Variants in GPC5 observed in about 807,000 individuals in gnomAD.
GPC5 encodes the protein glypican 5, also known as glypican-5.
A neutral mutation model predicts 53.9 loss-of-function variants in GPC5; 47 were observed. The ratio of observed to expected loss-of-function variants is 0.87; its 90% CI spans 0.69 to 1.11. The LOEUF (loss-of-function observed/expected upper bound fraction) is 1.11, where lower values mean the gene tolerates loss of function less well. Among genes scored for constraint, GPC5 ranks in the 50% most tolerant of loss-of-function variants. The pLI, the probability that GPC5 is intolerant of heterozygous loss-of-function variation, is 0.00. For synonymous variants in GPC5, 286 were observed against 263.3 expected, an observed-to-expected ratio of 1.09 and a Z score of -0.84; for missense variants, 748 against 713.1, an observed-to-expected ratio of 1.05 and a Z score of -0.56.
chr13:92,069,879 A>G (rs1377875638), intron 6 of GPC5, among the ~76,000 whole-genome samples: 1 of 152,162 alleles, frequency 6.6e-6, no homozygotes, highest in Non-Finnish European at 1.5e-5. Context: ...AAATGTTGCA[A>G]GCAGAATAAA....
intron 7 of GPC5, among the ~76,000 whole-genome samples, chr13:92,517,887 G>C (rs934255102): frequency 5.9e-5 from 9 of 152,154 alleles, no homozygotes; most frequent in African/African-American, 2.2e-4. Flanking sequence ...CCAAGCTAAA[G>C]GAGGAAGTTC....
chr13:92,853,316 C>CAGT (rs61058733), intron 7 of GPC5, among the ~76,000 whole-genome samples: 26,463 of 151,988 alleles, frequency 0.17, 2,553 homozygotes, highest in East Asian at 0.33. Context: ...TCACATGACA[C>CAGT]AGATGGTGAT....
intron 7 of GPC5, among the ~76,000 whole-genome samples, chr13:92,326,384 A>G (rs747501313): frequency 7.2e-4 from 110 of 152,192 alleles, no homozygotes; most frequent in Non-Finnish European, 8.7e-4. Context: ...AAATTTATTG[A>G]AATTTTTCTC....
intron 7 of GPC5, among the ~76,000 whole-genome samples, chr13:92,261,909 A>G (rs918898085): frequency 2.6e-5 from 4 of 152,190 alleles, no homozygotes; most frequent in African/African-American, 4.8e-5. Context: ...TCATTTGTAA[A>G]TGTCGGCATC....
chr13:92,599,272 G>C (rs1039881882), intron 7 of GPC5, among the ~76,000 whole-genome samples: 1 of 152,134 alleles, frequency 6.6e-6, no homozygotes, highest in South Asian at 2.1e-4. Context: ...ATATGCACCT[G>C]AACTATATTT....
intron 2 of GPC5, among the ~76,000 whole-genome samples, chr13:91,650,986 A>G (rs1009154262): frequency 3.3e-5 from 5 of 152,288 alleles, no homozygotes; most frequent in African/African-American, 9.6e-5. Context: ...AGTCATTGAT[A>G]TAAATTCAAG....
chr13:91,758,404 C>A (rs1164417397), intron 5 of GPC5, among the ~76,000 whole-genome samples: 1 of 151,846 alleles, frequency 6.6e-6, no homozygotes, highest in African/African-American at 2.4e-5. Context: ...GTTTAATATA[C>A]TACATTACAT....
chr13:92,837,547 G>A (rs913251994), intron 7 of GPC5, among the ~76,000 whole-genome samples: 1 of 152,124 alleles, frequency 6.6e-6, no homozygotes, highest in African/African-American at 2.4e-5. Flanking sequence ...TGCCACTGTG[G>A]GGAAAGAAAA....
At position 91,580,713 on chromosome 13, in the gene GPC5, A is replaced by G. The variant is rs534331840; in HGVS notation, c.326-112474A>G. Among the ~76,000 whole-genome samples, 12 of 152,250 alleles carry G rather than the reference A, an allele frequency of 7.9e-5. No individual in the cohort carries two copies. The South Asian group carries it at 2.5e-3, about 32-fold the overall frequency. ...CCTTTAGGATAAGCTCTTACCATCC[A>G]CCTTCCTATTCCTTGCCATGCACAC... On this transcript the variant is annotated intron_variant, in intron 2 of 7. Transcript: ENST00000377067.
intron 7 of GPC5, among the ~76,000 whole-genome samples, chr13:92,567,341 C>A (rs1882891887): frequency 6.6e-6 from 1 of 152,068 alleles, no homozygotes; most frequent in Admixed American, 6.6e-5. Context: ...ACTGTAATGA[C>A]CCAGTTCGAC....
intron 2 of GPC5, among the ~76,000 whole-genome samples, chr13:91,634,877 C>G (rs2034248151): frequency 6.6e-6 from 1 of 152,018 alleles, no homozygotes; most frequent in South Asian, 2.1e-4. Context: ...AACATTCTTG[C>G]CACTGTTCCA....
chr13:92,728,163 C>T (rs888549087), intron 7 of GPC5, among the ~76,000 whole-genome samples: 1 of 151,388 alleles, frequency 6.6e-6, no homozygotes, highest in African/African-American at 2.4e-5. Context: ...GCATTATTTG[C>T]CATAGGCATT....
At chr13:92,109,601 T>C (rs2041540495) in intron 6 of GPC5, among the ~76,000 whole-genome samples, 1 of 152,180 alleles carries the variant, frequency 6.6e-6, no homozygotes, top group Non-Finnish European at 1.5e-5. Flanking sequence ...GGTTATAGAA[T>C]GATGAGACAC....
intron 6 of GPC5, among the ~76,000 whole-genome samples, chr13:91,957,721 A>T: frequency 6.6e-6 from 1 of 152,120 alleles, no homozygotes; most frequent in East Asian, 1.9e-4. Flanking sequence ...AGGAGAAACA[A>T]AGTCTTCCCC....
chr13:92,545,013 C>T (rs1225056124), intron 7 of GPC5, among the ~76,000 whole-genome samples: 1 of 151,958 alleles, frequency 6.6e-6, no homozygotes. Context: ...TGGTGTGCTG[C>T]ACCCATTAAC....
At chr13:91,922,246 T>A (rs1289394049) in intron 6 of GPC5, among the ~76,000 whole-genome samples, 1 of 152,174 alleles carries the variant, frequency 6.6e-6, no homozygotes, top group African/African-American at 2.4e-5. Context: ...AAAATATAAG[T>A]ATTTTGGTAC....
chr13:91,549,641 A>C (rs1267379850), intron 2 of GPC5, among the ~76,000 whole-genome samples: 1 of 152,210 alleles, frequency 6.6e-6, no homozygotes, highest in Admixed American at 6.5e-5. Flanking sequence ...ACAGATGACA[A>C]ATAAACATGT....
At position 92,248,202 on chromosome 13, in the gene GPC5, GAAAA is replaced by G. The variant is rs56862631; in HGVS notation, c.1561+103223_1561+103226del. Among the ~76,000 whole-genome samples, 82 of 148,434 alleles carry G rather than the reference GAAAA, an allele frequency of 5.5e-4. No homozygotes were observed. The East Asian group carries it at 9.3e-3, about 17-fold the overall frequency. On this transcript the variant is annotated intron_variant, in intron 7 of 7. Coordinates refer to ENST00000377067, the MANE Select transcript of GPC5 (RefSeq NM_004466.6). ...ATGTAAAATAGAGGTATGGCCATAGGAAAAAAAAAAAAACAGATTTTTAGCCCCA... is the reference window on the plus strand; with the variant it reads ...ATGTAAAATAGAGGTATGGCCATAGGAAAAAAAAACAGATTTTTAGCCCCA...
At chr13:92,299,260 G>A (rs961820493) in intron 7 of GPC5, among the ~76,000 whole-genome samples, 11 of 151,994 alleles carry the variant, frequency 7.2e-5, no homozygotes, top group Non-Finnish European at 1.5e-4. Flanking sequence ...TCAGAAATTC[G>A]AAGCAAACTT....
Sources: allele counts gnomAD v4.1 joint callset (sites outside exome capture counted in the v4.1 genomes callset), GRCh38; gene constraint gnomAD v4.1.1; transcripts MANE v1.5; gene names NCBI Gene and HGNC (gene_info 2026-07-23, HGNC 2026-07-21).